SIPA1L3: variants seen among roughly 807,000 people sequenced by gnomAD.
SIPA1L3 encodes signal-induced proliferation-associated 1-like protein 3.
In SIPA1L3, 59 loss-of-function variants were observed where a neutral mutation model predicts 150.1. The ratio of observed to expected loss-of-function variants is 0.39; its 90% CI spans 0.32 to 0.49. SIPA1L3 has a LOEUF of 0.49. Ranked by LOEUF, SIPA1L3 falls within the 20% of genes least tolerant of loss-of-function variation. The pLI, the probability that SIPA1L3 is intolerant of heterozygous loss-of-function variation, is 0.86. For missense variants in SIPA1L3, 2,211 were observed against 2,489.5 expected (o/e 0.89, Z 2.38); for synonymous variants, 1,070 against 1,077.6 (o/e 0.99, Z 0.14).
chr19:38,037,367 T>TAG lies in SIPA1L3; in HGVS notation c.-311+8214_-311+8215dup, dbSNP rs568185013. Among the ~76,000 whole-genome samples, 538 of 151,994 alleles carry TAG rather than the reference T, an allele frequency of 3.5e-3. 1 individual carries two copies. Among genetic ancestry groups the TAG allele is most frequent in the Non-Finnish European group, 5.9e-3 (403 of 67,960 alleles). ...CGAGGAATGGGGAGAGAGTCCCTGG[T>TAG]AGAGGGAACCGCATCAGCAGAGCTC... On this transcript the variant is annotated intron_variant, in intron 2 of 21. Coordinates refer to ENST00000222345, the MANE Select transcript of SIPA1L3 (RefSeq NM_015073.3).
intron 1 of SIPA1L3, among the ~76,000 whole-genome samples, chr19:38,004,846 T>A (rs1200150430): frequency 1.4e-5 from 2 of 147,502 alleles, no homozygotes; most frequent in African/African-American, 4.9e-5. Context: ...TCCCCACCTC[T>A]AGATCTGCGT....
chr19:37,979,869 G>A (rs1308802798), intron 1 of SIPA1L3, among the ~76,000 whole-genome samples: 1 of 152,242 alleles, frequency 6.6e-6, no homozygotes, highest in Non-Finnish European at 1.5e-5. Flanking sequence ...CAAGCCGTGG[G>A]CATGCCCAGG....
At chr19:38,033,786 T>C (rs1330662070) in intron 2 of SIPA1L3, among the ~76,000 whole-genome samples, 1 of 152,148 alleles carries the variant, frequency 6.6e-6, no homozygotes, top group East Asian at 1.9e-4. Flanking sequence ...GTAAGCACTG[T>C]ATGGCTCAGC....
chr19:37,970,847 G>A (rs1256579191), intron 1 of SIPA1L3, among the ~76,000 whole-genome samples: 1 of 152,232 alleles, frequency 6.6e-6, no homozygotes, highest in Non-Finnish European at 1.5e-5. Flanking sequence ...GCTTAAATGC[G>A]AGGGCAGTTT....
intron 2 of SIPA1L3, among the ~76,000 whole-genome samples, chr19:38,038,454 G>A (rs914867934): frequency 6.6e-6 from 1 of 152,098 alleles, no homozygotes; most frequent in South Asian, 2.1e-4. Context: ...GCCAGGCATG[G>A]TGGTGGGCGC....
At chr19:38,010,372 C>T (rs1968068301) in intron 1 of SIPA1L3, among the ~76,000 whole-genome samples, 2 of 150,776 alleles carry the variant, frequency 1.3e-5, no homozygotes, top group East Asian at 1.9e-4. Flanking sequence ...CAAGTCACTG[C>T]ACTCCAACCA....
rs1969078388 is a variant in SIPA1L3, at chr19:38,047,201, C to T, written c.-311+18045C>T. 6.6e-6 allele frequency among the ~76,000 whole-genome samples: 1 copy of T among 152,150 alleles called. No individual in the cohort carries two copies. Among genetic ancestry groups the T allele is most frequent in the Non-Finnish European group, 1.5e-5 (1 of 68,018 alleles). On this transcript the variant is annotated intron_variant, in intron 2 of 21. Transcript: ENST00000222345. The surrounding 1 kb of genome is among the most constrained non-coding windows in gnomAD (Gnocchi z 4.7). ...GCTTCATAATCACTCTGCTATACTT[C>T]CTGCCAGCCTGTTCTCCCCCGCCGA... is the stretch of plus-strand genomic sequence containing the variant.
At chr19:38,188,345 C>T (rs367685518) in intron 16 of SIPA1L3, among the ~76,000 whole-genome samples, 3 of 151,650 alleles carry the variant, frequency 2.0e-5, no homozygotes, top group Non-Finnish European at 2.9e-5. Flanking sequence ...CCAGCATGCC[C>T]GGCTAATTTT....
intron 4 of SIPA1L3, among the ~76,000 whole-genome samples, chr19:38,097,511 C>T (rs1355960565): frequency 6.6e-6 from 1 of 152,126 alleles, no homozygotes; most frequent in African/African-American, 2.4e-5. Flanking sequence ...ATAGTGATTA[C>T]CCAGGTATTT....
chr19:37,910,826 C>T (rs1277920606), intron 1 of SIPA1L3, among the ~76,000 whole-genome samples: 1 of 152,146 alleles, frequency 6.6e-6, no homozygotes, highest in Non-Finnish European at 1.5e-5. Flanking sequence ...GAACTCTTGA[C>T]CTCAGGTGAT....
chr19:37,962,794 A>G (rs1403536175), intron 1 of SIPA1L3, among the ~76,000 whole-genome samples: 3 of 152,088 alleles, frequency 2.0e-5, no homozygotes, highest in Non-Finnish European at 4.4e-5. Flanking sequence ...ACCCAGCCTC[A>G]GTTTGTTTTG....
At chr19:38,195,853 C>A (rs937902237) in intron 18 of SIPA1L3, among the ~76,000 whole-genome samples, 1 of 138,004 alleles carries the variant, frequency 7.2e-6, no homozygotes, top group African/African-American at 2.6e-5. Context: ...CGCCTTGTAT[C>A]CCCATCACCA....
chr19:38,003,357 T>C (rs895788325), intron 1 of SIPA1L3, among the ~76,000 whole-genome samples: 1 of 152,194 alleles, frequency 6.6e-6, no homozygotes, highest in African/African-American at 2.4e-5. Flanking sequence ...CAAGCTGTAG[T>C]ACAGGGAGAT....
intron 18 of SIPA1L3, among the ~76,000 whole-genome samples, chr19:38,197,175 C>G (rs1972977088): frequency 6.6e-6 from 1 of 152,086 alleles, no homozygotes; most frequent in Non-Finnish European, 1.5e-5. Flanking sequence ...TCTCCCTTGG[C>G]CCTGCACAGA....
chr19:38,178,310 C>G (rs1972487159), intron 15 of SIPA1L3, among the ~76,000 whole-genome samples: 1 of 151,920 alleles, frequency 6.6e-6, no homozygotes, highest in Admixed American at 6.6e-5. Context: ...CAAGACCAGC[C>G]TGGGCAACAT....
intron 1 of SIPA1L3, among the ~76,000 whole-genome samples, chr19:38,017,698 T>A (rs530419841): frequency 1.3e-5 from 2 of 152,050 alleles, no homozygotes; most frequent in Middle Eastern, 3.2e-3. Flanking sequence ...TGATTTTTTT[T>A]ATTTTTATTT....
At chr19:38,111,867 A>G (rs1970754409) in intron 8 of SIPA1L3, among the ~76,000 whole-genome samples, 1 of 152,210 alleles carries the variant, frequency 6.6e-6, no homozygotes. Context: ...ATATTTACAC[A>G]CATGCACACG....
At chr19:37,978,382 A>G (rs1967123861) in intron 1 of SIPA1L3, among the ~76,000 whole-genome samples, 1 of 152,216 alleles carries the variant, frequency 6.6e-6, no homozygotes, top group African/African-American at 2.4e-5. Flanking sequence ...TCTTAATAAC[A>G]AAGATAATAA....
At chr19:38,075,909 C>T (rs141161721) in intron 2 of SIPA1L3, among the ~76,000 whole-genome samples, 2,941 of 152,198 alleles carry the variant, frequency 0.019, 52 homozygotes, top group Non-Finnish European at 0.033. Context: ...TTTGGGAAGC[C>T]GAGGTAGGCG....
Sources: gnomAD v4.1 joint callset for allele counts (sites outside exome capture counted in the v4.1 genomes callset) on GRCh38, gnomAD v4.1.1 for gene constraint, Gnocchi (gnomAD v3.1) non-coding constraint, MANE v1.5 for transcripts, NCBI Gene and HGNC (gene_info 2026-07-23, HGNC 2026-07-21) for gene names.